FOXK2: variants seen among roughly 807,000 people sequenced by gnomAD.
FOXK2 encodes forkhead box protein K2.
A neutral mutation model predicts 53.3 loss-of-function variants in FOXK2; 24 were observed. That is an observed-to-expected ratio of 0.45 (90% CI 0.33 to 0.63). FOXK2 has a LOEUF of 0.63. FOXK2 is among the 30% of genes least tolerant of loss of function. FOXK2 has a pLI of 0.03. For missense variants in FOXK2, 952 were observed against 910.5 expected (o/e 1.05, Z -0.59); for synonymous variants, 505 against 407.1 (o/e 1.24, Z -2.89).
chr17:82,520,944 A>G (rs1198604549), intron 1 of FOXK2, among the ~76,000 whole-genome samples: 1 of 152,224 alleles, frequency 6.6e-6, no homozygotes, highest in Non-Finnish European at 1.5e-5. Context: ...CTTCTACAAA[A>G]AGACAGTTGA....
chr17:82,540,812 G>A (rs2044567594), intron 1 of FOXK2, among the ~76,000 whole-genome samples: 1 of 152,194 alleles, frequency 6.6e-6, no homozygotes, highest in South Asian at 2.1e-4. Flanking sequence ...GTTGACAGCT[G>A]AGGTCCCATA....
intron 1 of FOXK2, among the ~76,000 whole-genome samples, chr17:82,540,560 G>A (rs1477013278): frequency 1.3e-5 from 2 of 152,036 alleles, no homozygotes; most frequent in Non-Finnish European, 2.9e-5. Flanking sequence ...CTTTTCTCCT[G>A]GAGTTGGCAC....
intron 4 of FOXK2, among the ~76,000 whole-genome samples, chr17:82,573,011 C>T (rs1009117163): frequency 3.2e-4 from 49 of 151,888 alleles, no homozygotes; most frequent in African/African-American, 1.1e-3. Flanking sequence ...GGCAACATGG[C>T]GAGACCCTGT....
At chr17:82,571,366 C>T (rs1014753145) in intron 3 of FOXK2, among the ~76,000 whole-genome samples, 29 of 152,018 alleles carry the variant, frequency 1.9e-4, no homozygotes, top group Admixed American at 1.3e-3. Flanking sequence ...GTTGGGAGGC[C>T]GAGGCAGGCG....
At chr17:82,590,280 A>G (rs1396558447) in intron 8 of FOXK2, among the ~76,000 whole-genome samples, 1 of 152,180 alleles carries the variant, frequency 6.6e-6, no homozygotes, top group Non-Finnish European at 1.5e-5. Flanking sequence ...ACCTAGGATG[A>G]GAACCACTGC....
At chr17:82,568,402 A>G (rs768525775) in intron 3 of FOXK2, among the ~76,000 whole-genome samples, 8 of 152,226 alleles carry the variant, frequency 5.3e-5, no homozygotes, top group Admixed American at 2.6e-4. Context: ...TAGTCATTCA[A>G]CGCACATCTT....
rs1220187706 is a variant in FOXK2 at position 82,520,191 on chromosome 17, G to T, written c.303G>T (p.Ala101=). The T allele has an allele frequency of 7.1e-7, 1 of 1,414,192 alleles. No homozygotes were observed. The highest frequency in any genetic ancestry group is 1.5e-5 in the South Asian group (1 of 65,224). 87.6% of individuals were successfully genotyped at this position (1,414,192 alleles called of 1,614,324 possible). The change falls in exon 1 of 9, where the codon GCG becomes GCT. Residue 101 remains alanine (A), a synonymous_variant. Transcript: ENST00000335255. ...HGGAAPELPP[A]QPRPDAGGDF... ...GGGCCGCTCCGGAGCTGCCGCCCGC[G>T]CAGCCCAGGCCCGACGCCGGCGGCG... is the stretch of plus-strand genomic sequence containing the variant.
At chr17:82,586,918 T>C (rs1166302209) in intron 7 of FOXK2, 145 bp from the exon 8 acceptor site, 1 of 763,898 alleles carries the variant, frequency 1.3e-6, no homozygotes, top group Non-Finnish European at 2.1e-6. Flanking sequence ...AAAAAAAGAT[T>C]TGCTCATCTT....
At chr17:82,581,259 A>G (rs575664623) in intron 4 of FOXK2, among the ~76,000 whole-genome samples, 374 of 152,334 alleles carry the variant, frequency 2.5e-3, no homozygotes, top group Non-Finnish European at 2.9e-3. Flanking sequence ...GGCCTGAGTC[A>G]GGTCCCAGCG....
chr17:82,601,031 A>T, intron 8 of FOXK2: 1 of 418,606 alleles, frequency 2.4e-6, no homozygotes, highest in East Asian at 3.7e-5. Flanking sequence ...GCTGTTAATA[A>T]AAATGTCCGC....
chr17:82,561,905 T>TG (rs10558425), intron 1 of FOXK2, among the ~76,000 whole-genome samples: 28 of 138,758 alleles, frequency 2.0e-4, no homozygotes, highest in African/African-American at 5.8e-4. Flanking sequence ...CTTCCTCTGT[T>TG]GGGGGGGGGG....
chr17:82,534,073 T>C (rs574649988), intron 1 of FOXK2, among the ~76,000 whole-genome samples: 1 of 106,938 alleles, frequency 9.4e-6, no homozygotes, highest in East Asian at 3.3e-4. Flanking sequence ...AGACACTGTC[T>C]CAAAAAAAAA....
intron 8 of FOXK2, among the ~76,000 whole-genome samples, chr17:82,592,849 G>T (rs1482150629): frequency 1.3e-5 from 2 of 152,108 alleles, no homozygotes; most frequent in Admixed American, 1.3e-4. Flanking sequence ...CCTGTGCCAG[G>T]CACAGGCTCT....
chr17:82,586,795 G>A (rs1423035055), intron 7 of FOXK2, among the ~76,000 whole-genome samples: 1 of 152,078 alleles, frequency 6.6e-6, no homozygotes, highest in East Asian at 1.9e-4. Context: ...CAGCTACTCG[G>A]GAGGCTGAGG....
chr17:82,541,673 A>G (rs1229817159), intron 1 of FOXK2, among the ~76,000 whole-genome samples: 3 of 151,854 alleles, frequency 2.0e-5, no homozygotes, highest in Non-Finnish European at 4.4e-5. Context: ...TACTTAACAC[A>G]CTGTGAACTG....
chr17:82,561,411 G>C (rs1015517264), intron 1 of FOXK2, among the ~76,000 whole-genome samples: 6 of 152,160 alleles, frequency 3.9e-5, no homozygotes, highest in South Asian at 2.1e-4. Context: ...AGCCAGGAGT[G>C]AGGGTAGAGG....
Position 82,586,250 on chromosome 17 carries a change from TGGGCCGGGGGGGG to T in FOXK2, c.1576+51_1576+63del, listed in dbSNP as rs759985837. Reference sequence around the variant, plus strand: ...GGGGAGACCACAGGGAGGTGAAAGGTGGGCCGGGGGGGGAAAGGAGGAGAGGGGAGACCACAGG... The same window carrying T: ...GGGGAGACCACAGGGAGGTGAAAGGTAAAGGAGGAGAGGGGAGACCACAGG... On this transcript the variant is annotated intron_variant, in intron 7 of 8. Coordinates refer to ENST00000335255, the MANE Select transcript of FOXK2 (RefSeq NM_004514.4). 1,864 of 389,104 alleles carry T rather than the reference TGGGCCGGGGGGGG, an allele frequency of 4.8e-3. 140 individuals are homozygous for T. The highest frequency in any genetic ancestry group is 0.02 in the East Asian group (282 of 13,884). The allele number at this position is 389,104 out of a possible 1,614,324, so 24.1% of individuals were successfully genotyped here.
At chr17:82,539,203 A>G (rs2044550651) in intron 1 of FOXK2, among the ~76,000 whole-genome samples, 1 of 149,602 alleles carries the variant, frequency 6.7e-6, no homozygotes, top group African/African-American at 2.5e-5. Context: ...GTGGTGGCTC[A>G]GGCCCGTAAT....
Position 82,586,100 on chromosome 17 carries a change from C to G in FOXK2, c.1476C>G (p.Asn492Lys), listed in dbSNP as rs772602487. The change falls in exon 7 of 9, where the codon AAC becomes AAG. Residue 492 changes from asparagine (N) to lysine (K), a missense_variant. Asn to Lys is a moderately conservative substitution (Grantham distance 94). This residue lies in a region of FOXK2 where 551 missense variants were observed against 385.1 expected (regional missense o/e 1.43). Coordinates refer to ENST00000335255, the MANE Select transcript of FOXK2 (RefSeq NM_004514.4). The stretch of plus-strand genomic sequence containing the variant: ...GTGTGGCCGGACTGGCCCCAGCGAA[C>G]ACGTACACTGTCTCTGGACAAGCTG... ...VTSVAGLAPA[N>K]TYTVSGQAVV... 1.2e-6 allele frequency: 2 copies of G among 1,612,720 alleles called. No homozygotes were observed. Among genetic ancestry groups the G allele is most frequent in the Non-Finnish European group, 1.7e-6 (2 of 1,179,946 alleles).
Sources: gnomAD v4.1 joint callset for allele counts (sites outside exome capture counted in the v4.1 genomes callset) on GRCh38, gnomAD v4.1.1 for gene constraint, gnomAD v4.1.1 regional missense constraint, MANE v1.5 for transcripts, NCBI Gene and HGNC (gene_info 2026-07-23, HGNC 2026-07-21) for gene names.